The following ATP8B4 variants were observed in gnomAD, a reference collection of about 807,000 sequenced individuals.
The protein encoded by ATP8B4 is probable phospholipid-transporting ATPase IM.
In ATP8B4, 133 loss-of-function variants were observed where a neutral mutation model predicts 145.6. The observed-to-expected ratio is 0.91, with a 90% confidence interval of 0.79 to 1.05. ATP8B4 has a LOEUF of 1.05. Among genes scored for constraint, ATP8B4 ranks in the 50% least tolerant of loss-of-function variants. The pLI, the probability that ATP8B4 is intolerant of heterozygous loss-of-function variation, is 0.00. For synonymous variants in ATP8B4, 507 were observed against 492.9 expected, an observed-to-expected ratio of 1.03 and a Z score of -0.38; for missense variants, 1,458 against 1,425.2, an observed-to-expected ratio of 1.02 and a Z score of -0.37.
intron 13 of ATP8B4, among the ~76,000 whole-genome samples, chr15:49,968,017 C>T (rs1236350491): frequency 6.6e-6 from 1 of 152,150 alleles, no homozygotes; most frequent in African/African-American, 2.4e-5. Context: ...TCATATCCAG[C>T]CAAACTAAGC....
chr15:49,946,603 T>C (rs1599335681), intron 14 of ATP8B4, among the ~76,000 whole-genome samples: 2 of 130,996 alleles, frequency 1.5e-5, no homozygotes, highest in African/African-American at 2.8e-5. Context: ...TAATTAATCC[T>C]TTTTTTTTTT....
chr15:50,011,428 G>A (rs1187811916), intron 6 of ATP8B4, among the ~76,000 whole-genome samples: 2 of 152,148 alleles, frequency 1.3e-5, no homozygotes, highest in Non-Finnish European at 2.9e-5. Flanking sequence ...AGCCTTGGAA[G>A]ACTGAATGAG....
At chr15:50,107,187 A>C (rs1043022576) in intron 1 of ATP8B4, among the ~76,000 whole-genome samples, 179 bp from the exon 2 acceptor site, 1 of 152,198 alleles carries the variant, frequency 6.6e-6, no homozygotes, top group Admixed American at 6.5e-5. Context: ...TCTGTACAAA[A>C]ATAATCTATT....
At chr15:49,862,932 T>G (rs2032116911) in intron 26 of ATP8B4, among the ~76,000 whole-genome samples, 1 of 152,106 alleles carries the variant, frequency 6.6e-6, no homozygotes, top group Non-Finnish European at 1.5e-5. Context: ...GGAGCACAAT[T>G]CTCTCTTCCA....
chr15:49,981,855 G>C (rs528332437), intron 10 of ATP8B4, among the ~76,000 whole-genome samples: 2 of 152,178 alleles, frequency 1.3e-5, no homozygotes, highest in Admixed American at 1.3e-4. Context: ...GTAAAGACAA[G>C]AACTGTCTTA....
chr15:50,055,794 G>A (rs2052551051), intron 3 of ATP8B4, among the ~76,000 whole-genome samples: 1 of 152,128 alleles, frequency 6.6e-6, no homozygotes, highest in Non-Finnish European at 1.5e-5. Context: ...CATAAAAGAG[G>A]AAGTAGCCAA....
intron 20 of ATP8B4, among the ~76,000 whole-genome samples, chr15:49,905,710 C>A (rs1599039876): frequency 6.6e-6 from 1 of 151,790 alleles, no homozygotes; most frequent in East Asian, 1.9e-4. Context: ...TATTTTTTTT[C>A]TTTTGAATAT....
intron 1 of ATP8B4, among the ~76,000 whole-genome samples, chr15:50,132,434 G>A (rs10152738): frequency 0.51 from 77,771 of 152,076 alleles, 22,111 homozygotes; most frequent in African/African-American, 0.77. Context: ...CAGTTAGAAT[G>A]GCGATCATTA....
At position 49,987,421 on chromosome 15, in the gene ATP8B4, T is replaced by G; in HGVS notation, c.718A>C (p.Ser240Arg). The G allele has an allele frequency of 6.2e-7, 1 of 1,613,864 alleles. No homozygotes were observed. Among genetic ancestry groups the G allele is most frequent in the Non-Finnish European group, 8.5e-7 (1 of 1,179,804 alleles). The change falls in exon 10 of 28, where the codon AGC becomes CGC. Residue 240 changes from serine to arginine, a missense_variant. Physicochemically the swap from Ser to Arg is moderately radical, Grantham distance 110. Transcript: ENST00000284509. ...AAAATAACCATTCCAAAACACCAGC[T>G]GGTATTTCTCAGGATGCAGCCTCTC... ...ILRGCILRNT[S>R]WCFGMVIFAG...
intron 17 of ATP8B4, chr15:49,922,417 TAAAAGA>T (rs984141550): frequency 2.2e-6 from 1 of 447,252 alleles, no homozygotes; most frequent in African/African-American, 2.0e-5. Context: ...TGGAAAAGAT[TAAAAGA>T]AAATCAATTC....
intron 2 of ATP8B4, among the ~76,000 whole-genome samples, chr15:50,086,460 ATAT>A (rs1280320729): frequency 0.071 from 3,050 of 43,112 alleles, 1,173 homozygotes; most frequent in South Asian, 0.11. Flanking sequence ...ATAGAGATCT[ATAT>A]TATTATATAT....
At chr15:49,868,961 G>A (rs777705319) in intron 25 of ATP8B4, among the ~76,000 whole-genome samples, 6 of 152,014 alleles carry the variant, frequency 3.9e-5, no homozygotes, top group African/African-American at 7.2e-5. Flanking sequence ...TGCTCTTGTC[G>A]CCAATGGTGT....
intron 9 of ATP8B4, among the ~76,000 whole-genome samples, chr15:49,990,519 A>G (rs2046967839): frequency 6.6e-6 from 1 of 152,160 alleles, no homozygotes; most frequent in Non-Finnish European, 1.5e-5. Context: ...CAATTTATCC[A>G]TTTGACAATC....
chr15:50,006,489 C>CAAAAAAAAAA lies in ATP8B4; in HGVS notation c.436-4276_436-4267dup, dbSNP rs750033683. ...AGAGCAATGAGGGCAATGAGACCACCAAAAAAAAAAAAAAAAAAAAAGGCC... is the reference window on the plus strand; with the variant it reads ...AGAGCAATGAGGGCAATGAGACCACCAAAAAAAAAAAAAAAAAAAAAAAAAAAAAAAGGCC... On this transcript the variant is annotated intron_variant, in intron 7 of 27. Coordinates refer to ENST00000284509, the MANE Select transcript of ATP8B4 (RefSeq NM_024837.4). Among the ~76,000 whole-genome samples, 2 of 47,846 alleles carry CAAAAAAAAAA rather than the reference C, an allele frequency of 4.2e-5. 1 individual carries two copies. The allele number at this position is 47,846 out of a possible 152,430, so 31.4% of individuals were successfully genotyped here.
intron 8 of ATP8B4, among the ~76,000 whole-genome samples, chr15:49,998,567 A>G (rs987096337): frequency 3.3e-5 from 5 of 151,966 alleles, no homozygotes; most frequent in South Asian, 2.1e-4. Flanking sequence ...CATGTCCTTC[A>G]CCCACTTTTT....
intron 13 of ATP8B4, among the ~76,000 whole-genome samples, chr15:49,971,934 T>C (rs1487024229): frequency 6.6e-6 from 1 of 152,080 alleles, no homozygotes; most frequent in Non-Finnish European, 1.5e-5. Context: ...TGAAATACTA[T>C]TGCAGCCATA....
chr15:50,103,946 A>G (rs2056522747), intron 2 of ATP8B4, among the ~76,000 whole-genome samples: 1 of 152,156 alleles, frequency 6.6e-6, no homozygotes. Flanking sequence ...CAGTCACCTG[A>G]TCTTCGACAA....
intron 10 of ATP8B4, among the ~76,000 whole-genome samples, chr15:49,984,930 A>G (rs2046456843): frequency 6.6e-6 from 1 of 152,180 alleles, no homozygotes; most frequent in Non-Finnish European, 1.5e-5. Flanking sequence ...GAGCATAAAG[A>G]AGGCATTACC....
chr15:50,160,897 G>A (rs1183855449), intron 1 of ATP8B4, among the ~76,000 whole-genome samples: 1 of 151,960 alleles, frequency 6.6e-6, no homozygotes, highest in Non-Finnish European at 1.5e-5. Flanking sequence ...TTGGTTTATG[G>A]TGCAGAATAA....
Sources: gnomAD v4.1 joint callset for allele counts (sites outside exome capture counted in the v4.1 genomes callset) on GRCh38, gnomAD v4.1.1 for gene constraint, MANE v1.5 for transcripts, NCBI Gene and HGNC (gene_info 2026-07-23, HGNC 2026-07-21) for gene names.